MYBPC1: variants seen among roughly 807,000 people sequenced by gnomAD.
MYBPC1 encodes myosin-binding protein C, slow-type.
MYBPC1 carries 52 observed loss-of-function variants against 147.1 expected under a neutral mutation model. The observed-to-expected ratio is 0.35, with a 90% CI of 0.28 to 0.45. The LOEUF is 0.45. Among genes scored for constraint, MYBPC1 ranks in the 20% least tolerant of loss-of-function variants. The pLI is 1.00. For synonymous variants in MYBPC1, 477 were observed against 475.9 expected, an observed-to-expected ratio of 1.00 and a Z score of -0.03; for missense variants, 1,228 against 1,440.3, an observed-to-expected ratio of 0.85 and a Z score of 2.39.
At chr12:101,642,655 C>G (rs1163771391) in intron 11 of MYBPC1, 70 bp downstream of exon 11, 2 of 1,510,340 alleles carry the variant, frequency 1.3e-6, no homozygotes, top group South Asian at 2.4e-5. Flanking sequence ...ACCGTGAACC[C>G]CATCCCGAGC....
At chr12:101,640,160 C>T (rs866839706) in intron 10 of MYBPC1, among the ~76,000 whole-genome samples, 15 of 152,140 alleles carry the variant, frequency 9.9e-5, no homozygotes, top group Middle Eastern at 3.4e-3. Flanking sequence ...GACAGGCATG[C>T]GCCACCATGC....
At chr12:101,623,396 AC>A (rs1887880435) in intron 3 of MYBPC1, among the ~76,000 whole-genome samples, 1 of 152,192 alleles carries the variant, frequency 6.6e-6, no homozygotes, top group Non-Finnish European at 1.5e-5. Flanking sequence ...CATGTAACAA[AC>A]CATCACATGT....
chr12:101,620,191 A>T (rs925606300), intron 3 of MYBPC1, among the ~76,000 whole-genome samples: 1 of 152,254 alleles, frequency 6.6e-6, no homozygotes, highest in Non-Finnish European at 1.5e-5. Flanking sequence ...CCCAACAGCA[A>T]TAGCAGAAAT....
Position 101,652,786 on chromosome 12 carries a change from T to C in MYBPC1, c.1633+2T>C. ...TGCCTGCCAAAGTTCATGTTATTGG[T>C]GAGTAGATAAAATAATTCATTGCAT... On this transcript the variant is annotated splice_donor_variant, in intron 17 of 31. Coordinates refer to ENST00000361466, the MANE Select transcript of MYBPC1 (RefSeq NM_002465.4). LOFTEE classifies it high-confidence loss of function. 1.2e-6 allele frequency: 2 copies of C among 1,604,180 alleles called. No individual in the cohort carries two copies. Among genetic ancestry groups the C allele is most frequent in the Non-Finnish European group, 1.7e-6 (2 of 1,171,012 alleles).
chr12:101,693,841 G>A, the MYBPC1 span, among the ~76,000 whole-genome samples: 9 of 152,244 alleles, frequency 5.9e-5, no homozygotes, highest in African/African-American at 2.2e-4. Context: ...GTTAGGCATA[G>A]CAGCCATGTG....
At chr12:101,625,426 A>G (rs1888373210) in intron 3 of MYBPC1, among the ~76,000 whole-genome samples, 1 of 152,216 alleles carries the variant, frequency 6.6e-6, no homozygotes, top group Non-Finnish European at 1.5e-5. Flanking sequence ...GTAAGTCCTC[A>G]TTCTACCACA....
In MYBPC1 at chr12:101,673,409, T is replaced by G; in HGVS notation, c.2614-18T>G. The G allele has an allele frequency of 6.2e-7, 1 of 1,609,932 alleles. No homozygotes were observed. Among genetic ancestry groups the G allele is most frequent in the Non-Finnish European group, 8.5e-7 (1 of 1,177,944 alleles). The stretch of plus-strand genomic sequence containing the variant: ...CAATATGATTTACCCTCTCTACTTT[T>G]GCTGTCTTTCTTTTTAGGGAAAACC... On this transcript the variant is annotated intron_variant, in intron 24 of 31. Coordinates refer to ENST00000361466, the MANE Select transcript of MYBPC1 (RefSeq NM_002465.4).
chr12:101,667,622 A>G (rs1268639747), intron 22 of MYBPC1, 110 bp from the exon 23 acceptor site: 4 of 1,236,032 alleles, frequency 3.2e-6, no homozygotes, highest in Admixed American at 3.8e-5. Context: ...TCTCTAAATG[A>G]TGTATTATTA....
intron 8 of MYBPC1, 25 bp downstream of exon 8, chr12:101,632,163 A>C: frequency 6.6e-7 from 1 of 1,510,046 alleles, no homozygotes; most frequent in Non-Finnish European, 9.2e-7. Flanking sequence ...TTGCCTAGAT[A>C]AATGTAATTT....
At chr12:101,675,696 G>A (rs1238741329) in intron 26 of MYBPC1, among the ~76,000 whole-genome samples, 2 of 152,078 alleles carry the variant, frequency 1.3e-5, no homozygotes, top group Admixed American at 1.3e-4. Flanking sequence ...ATGTAATGGG[G>A]GCACAAATAT....
rs564608625 is a variant in MYBPC1, at chr12:101,646,401, C to T, written c.966-362C>T. Among the ~76,000 whole-genome samples, 8 of 152,116 alleles carry T rather than the reference C, an allele frequency of 5.3e-5. 1 individual carries two copies. The South Asian group carries it at 1.7e-3, about 32-fold the overall frequency. On this transcript the variant is annotated intron_variant, in intron 12 of 31. Coordinates refer to ENST00000361466, the MANE Select transcript of MYBPC1 (RefSeq NM_002465.4). ...ATGGCTCACGCCTGTAATCCCAACA[C>T]TTTGGGAGGCTGAGGCAGGAACGCT...
chr12:101,684,211 C>T (rs1951209621), intron 30 of MYBPC1, among the ~76,000 whole-genome samples, 171 bp from the exon 31 acceptor site: 1 of 152,102 alleles, frequency 6.6e-6, no homozygotes, highest in African/African-American at 2.4e-5. Context: ...GATCCCCACC[C>T]TTCATTTCAT....
intron 29 of MYBPC1, 143 bp from the exon 30 acceptor site, chr12:101,682,461 G>T: frequency 1.4e-6 from 1 of 702,884 alleles, no homozygotes; most frequent in Non-Finnish European, 2.5e-6. Context: ...AAAAGCTTTT[G>T]GTCCTAAAAG....
chr12:101,661,034 C>T lies in MYBPC1; in HGVS notation c.1928-124C>T, dbSNP rs10778135. 433,945 of 652,386 alleles carry T rather than the reference C, an allele frequency of 0.67. 148,568 individuals are homozygous for T. The highest frequency in any genetic ancestry group is 0.77 in the Admixed American group (32,551 of 42,502). 40.4% of individuals were successfully genotyped at this position (652,386 alleles called of 1,614,324 possible). ...CATATCATAAGCATAATTCAGTAAACATGGGAAAGTACTCAGAAATAACAG... is the reference window on the plus strand; with the variant it reads ...CATATCATAAGCATAATTCAGTAAATATGGGAAAGTACTCAGAAATAACAG... On this transcript the variant is annotated intron_variant, in intron 19 of 31. Coordinates refer to ENST00000361466, the MANE Select transcript of MYBPC1 (RefSeq NM_002465.4).
chr12:101,662,691 A>G, intron 21 of MYBPC1, 145 bp downstream of exon 21: 1 of 846,354 alleles, frequency 1.2e-6, no homozygotes, highest in Non-Finnish European at 1.8e-6. Flanking sequence ...GTACAATTTT[A>G]TGTCTAAGAA....
chr12:101,692,190 C>T, the MYBPC1 span, among the ~76,000 whole-genome samples: 13 of 152,156 alleles, frequency 8.5e-5, no homozygotes, highest in African/African-American at 2.4e-4. Flanking sequence ...GAAGGTAGAC[C>T]GGGCCCTCAA....
chr12:101,595,930 A>G (rs1026970042), intron 1 of MYBPC1, among the ~76,000 whole-genome samples: 11 of 152,112 alleles, frequency 7.2e-5, no homozygotes, highest in Admixed American at 5.2e-4. Flanking sequence ...AATAAGCACA[A>G]ATTAATACTA....
chr12:101,636,319 A>G (rs1482767939), intron 9 of MYBPC1, among the ~76,000 whole-genome samples: 3 of 152,162 alleles, frequency 2.0e-5, no homozygotes, highest in African/African-American at 7.2e-5. Flanking sequence ...CTTTTTACAT[A>G]GGTATGTTTC....
chr12:101,678,256 C>T lies in MYBPC1; in HGVS notation c.3246+18C>T, dbSNP rs376860081. Reference sequence around the variant, plus strand: ...ATCCTAAGGTACCATGTTCTTCTATCACATCAGTTAAAGTCCCTGTCTTGT... The same window carrying T: ...ATCCTAAGGTACCATGTTCTTCTATTACATCAGTTAAAGTCCCTGTCTTGT... On this transcript the variant is annotated intron_variant, in intron 28 of 31. Coordinates refer to ENST00000361466, the MANE Select transcript of MYBPC1 (RefSeq NM_002465.4). The T allele has an allele frequency of 3.3e-5, 53 of 1,613,566 alleles. 1 individual carries two copies. The African/African-American group carries it at 5.7e-4, about 17-fold the overall frequency.
Sources: gnomAD v4.1 joint callset for allele counts (sites outside exome capture counted in the v4.1 genomes callset) on GRCh38, gnomAD v4.1.1 for gene constraint, MANE v1.5 for transcripts, NCBI Gene and HGNC (gene_info 2026-07-23, HGNC 2026-07-21) for gene names.